FMN2: variants seen among roughly 807,000 people sequenced by gnomAD.
The protein encoded by FMN2 is formin-2.
In FMN2, 51 loss-of-function variants were observed where a neutral mutation model predicts 142.3. The ratio of observed to expected loss-of-function variants is 0.36; its 90% confidence interval spans 0.29 to 0.45. The LOEUF (loss-of-function observed/expected upper bound fraction) is 0.45, where lower values mean the gene tolerates loss of function less well. Among genes scored for constraint, FMN2 ranks in the 20% least tolerant of loss-of-function variants. FMN2 has a pLI of 1.00. For missense variants in FMN2, 1,936 were observed against 2,122.8 expected (o/e 0.91, Z 1.73); for synonymous variants, 882 against 869.8 (o/e 1.01, Z -0.25).
At chr1:240,260,299 C>A (rs1668582708) in intron 7 of FMN2, among the ~76,000 whole-genome samples, 1 of 152,146 alleles carries the variant, frequency 6.6e-6, no homozygotes, top group African/African-American at 2.4e-5. Context: ...AATGGCAGTT[C>A]TACTTTTAGT....
intron 6 of FMN2, among the ~76,000 whole-genome samples, chr1:240,225,924 G>T (rs1391039767): frequency 4.6e-5 from 7 of 152,108 alleles, no homozygotes; most frequent in African/African-American, 1.4e-4. Flanking sequence ...ATTACTAGAT[G>T]ATTTAACGAT....
chr1:240,419,553 G>A (rs557225926), intron 15 of FMN2, among the ~76,000 whole-genome samples: 4 of 152,302 alleles, frequency 2.6e-5, no homozygotes, highest in African/African-American at 9.6e-5. Flanking sequence ...AGCTCCCGCA[G>A]TAATGGAAGT....
intron 15 of FMN2, among the ~76,000 whole-genome samples, chr1:240,399,464 C>T (rs61829209): frequency 6.6e-6 from 1 of 151,878 alleles, no homozygotes; most frequent in Non-Finnish European, 1.5e-5. Flanking sequence ...CTAAGGCATT[C>T]GAATCACTCC....
chr1:240,274,655 G>T (rs1187709512), intron 7 of FMN2, among the ~76,000 whole-genome samples: 4 of 149,116 alleles, frequency 2.7e-5, no homozygotes, highest in African/African-American at 1.0e-4. Flanking sequence ...AAGAAGGGAG[G>T]TAGGCAAGAA....
At chr1:240,143,422 A>T in intron 2 of FMN2, 1 of 1,431,034 alleles carries the variant, frequency 7.0e-7, no homozygotes, top group Non-Finnish European at 9.8e-7. Context: ...AATCCCCAGA[A>T]CAGCCACTCC....
intron 2 of FMN2, among the ~76,000 whole-genome samples, chr1:240,140,799 A>C (rs543387945): frequency 6.6e-6 from 1 of 152,360 alleles, no homozygotes; most frequent in East Asian, 1.9e-4. Context: ...GTGTCTGTAC[A>C]GTGTACATAC....
At chr1:240,252,000 C>G (rs1668292725) in intron 6 of FMN2, among the ~76,000 whole-genome samples, 1 of 152,174 alleles carries the variant, frequency 6.6e-6, no homozygotes, top group Non-Finnish European at 1.5e-5. Flanking sequence ...CCTCCGCCTC[C>G]CGGGTTAAAG....
At chr1:240,156,634 G>C (rs1571997677) in intron 2 of FMN2, among the ~76,000 whole-genome samples, 1 of 152,178 alleles carries the variant, frequency 6.6e-6, no homozygotes, top group South Asian at 2.1e-4. Context: ...AGGCTAAGGT[G>C]GTGGGCTGAA....
intron 14 of FMN2, among the ~76,000 whole-genome samples, chr1:240,371,343 C>G (rs1016310891): frequency 1.3e-5 from 2 of 152,088 alleles, no homozygotes; most frequent in African/African-American, 4.8e-5. Flanking sequence ...ATGGTTAAGT[C>G]TAAGCTTTCC....
intron 2 of FMN2, chr1:240,143,816 G>T: frequency 6.5e-7 from 1 of 1,530,690 alleles, no homozygotes; most frequent in Non-Finnish European, 9.1e-7. Flanking sequence ...CATTCCACAG[G>T]CTAGAGCTGT....
intron 14 of FMN2, among the ~76,000 whole-genome samples, chr1:240,384,557 T>C (rs1057353874): frequency 5.9e-5 from 9 of 152,148 alleles, no homozygotes; most frequent in African/African-American, 2.2e-4. Flanking sequence ...CTCCGGTCTC[T>C]GCTCCTTTTT....
intron 8 of FMN2, among the ~76,000 whole-genome samples, chr1:240,307,404 C>T (rs1271533255): frequency 6.6e-6 from 1 of 152,110 alleles, no homozygotes. Flanking sequence ...TTTAATGCAT[C>T]TTGAGTTAAT....
chr1:240,422,325 A>G (rs1445044718), intron 15 of FMN2, among the ~76,000 whole-genome samples: 3 of 152,212 alleles, frequency 2.0e-5, no homozygotes, highest in Non-Finnish European at 4.4e-5. Flanking sequence ...GAGTCAATAA[A>G]TCAAGTTGGG....
chr1:240,247,023 T>G (rs1459119128), intron 6 of FMN2, among the ~76,000 whole-genome samples: 1 of 152,150 alleles, frequency 6.6e-6, no homozygotes, highest in Non-Finnish European at 1.5e-5. Flanking sequence ...AAAGGTCAGA[T>G]CATAGCAGTG....
intron 8 of FMN2, among the ~76,000 whole-genome samples, chr1:240,312,046 A>G (rs6701541): frequency 0.062 from 9,493 of 152,276 alleles, 994 homozygotes; most frequent in African/African-American, 0.22. Context: ...AAAGGCTGAC[A>G]TTGTAGAGCA....
intron 13 of FMN2, among the ~76,000 whole-genome samples, chr1:240,351,555 A>G (rs1672097551): frequency 2.0e-5 from 3 of 152,352 alleles, no homozygotes; most frequent in South Asian, 4.1e-4. Flanking sequence ...GATGTTACAA[A>G]TACAGTTCAT....
At chr1:240,121,480 AT>A in intron 1 of FMN2, among the ~76,000 whole-genome samples, 1 of 149,498 alleles carries the variant, frequency 6.7e-6, no homozygotes, top group Non-Finnish European at 1.5e-5. Context: ...GGTTCAAGTG[AT>A]TCTCTTGCCT....
intron 3 of FMN2, among the ~76,000 whole-genome samples, chr1:240,185,061 TCC>T (rs55751817): frequency 1.2e-5 from 1 of 84,874 alleles, no homozygotes; most frequent in African/African-American, 5.1e-5. Context: ...TCCTATACCT[TCC>T]CCTTCTCTTT....
chr1:240,455,952 G>C lies in FMN2; in HGVS notation c.5061-16420G>C, dbSNP rs1401091658. On this transcript the variant is annotated intron_variant, in intron 16 of 17. Transcript: ENST00000319653. ...ATCACGCCACTGCACTCCAGCCTGG[G>C]TGACGGAGCGAGACTGTCTCAAAAA... Among the ~76,000 whole-genome samples the C allele has an allele frequency of 2.0e-5, 3 of 150,788 alleles. No homozygotes were observed. In the East Asian group the frequency reaches 5.8e-4, roughly 29 times the overall value.
Sources: gnomAD v4.1 joint callset for allele counts (sites outside exome capture counted in the v4.1 genomes callset) on GRCh38, gnomAD v4.1.1 for gene constraint, MANE v1.5 for transcripts, NCBI Gene and HGNC (gene_info 2026-07-23, HGNC 2026-07-21) for gene names.